Variants in ZHX2 observed in about 807,000 individuals in gnomAD.
ZHX2 encodes the protein zinc fingers and homeoboxes 2, also known as zinc fingers and homeoboxes protein 2.
A neutral mutation model predicts 21.9 loss-of-function variants in ZHX2; 6 were observed. That is an observed-to-expected ratio of 0.27 (90% confidence interval 0.15 to 0.54). The LOEUF (loss-of-function observed/expected upper bound fraction) is 0.54. Among genes scored for constraint, ZHX2 ranks in the 20% least tolerant of loss-of-function variants. The pLI, the probability that ZHX2 is intolerant of heterozygous loss-of-function variation, is 0.95. For synonymous variants in ZHX2, 434 were observed against 437.1 expected (o/e 0.99, Z 0.09); for missense variants, 908 against 1,090.7 (o/e 0.83, Z 2.36).
intron 2 of ZHX2, among the ~76,000 whole-genome samples, chr8:122,913,765 C>T (rs943841751): frequency 3.3e-5 from 5 of 152,222 alleles, no homozygotes; most frequent in South Asian, 2.1e-4. Flanking sequence ...ACATGTTTCA[C>T]GTTACTTATG....
intron 2 of ZHX2, among the ~76,000 whole-genome samples, chr8:122,887,156 T>C (rs1210905466): frequency 6.6e-6 from 1 of 151,010 alleles, no homozygotes; most frequent in African/African-American, 2.4e-5. Flanking sequence ...TGTGGGGATG[T>C]GAGCACGTGT....
intron 2 of ZHX2, among the ~76,000 whole-genome samples, chr8:122,895,963 G>A (rs1412098528): frequency 1.3e-5 from 2 of 152,008 alleles, no homozygotes; most frequent in Non-Finnish European, 2.9e-5. Context: ...TCATCAGCCT[G>A]CAATTCATTA....
chr8:122,818,693 C>T (rs796765278), intron 1 of ZHX2, among the ~76,000 whole-genome samples: 41 of 152,306 alleles, frequency 2.7e-4, no homozygotes, highest in African/African-American at 8.4e-4. Context: ...GCATCCAGGA[C>T]GCGCCCCGTG....
chr8:122,944,455 CCT>C (rs1447639126), intron 2 of ZHX2, among the ~76,000 whole-genome samples: 1 of 152,188 alleles, frequency 6.6e-6, no homozygotes, highest in Non-Finnish European at 1.5e-5. Flanking sequence ...AGTATAGCCT[CCT>C]CTCTGTTTCG....
At chr8:122,958,395 C>T (rs1480788720) in intron 3 of ZHX2, among the ~76,000 whole-genome samples, 1 of 152,168 alleles carries the variant, frequency 6.6e-6, no homozygotes, top group African/African-American at 2.4e-5. Flanking sequence ...AATGAGTCAA[C>T]GTACTTGAGC....
chr8:122,799,414 T>A (rs1264923232), intron 1 of ZHX2, among the ~76,000 whole-genome samples: 1 of 152,170 alleles, frequency 6.6e-6, no homozygotes, highest in East Asian at 1.9e-4. Context: ...TTTTTGTTTG[T>A]TTTTTAGTAT....
intron 1 of ZHX2, among the ~76,000 whole-genome samples, chr8:122,861,400 A>C (rs1444467552): frequency 6.6e-6 from 1 of 152,222 alleles, no homozygotes; most frequent in Non-Finnish European, 1.5e-5. Flanking sequence ...AGAACGAATG[A>C]TGTCTGATAT....
chr8:122,971,625 A>AG, intron 3 of ZHX2, among the ~76,000 whole-genome samples: 1 of 151,286 alleles, frequency 6.6e-6, no homozygotes, highest in Admixed American at 6.6e-5. Context: ...AAAAAAAAAA[A>AG]AAAAAAATTC....
At chr8:122,925,941 G>T (rs559238428) in intron 2 of ZHX2, among the ~76,000 whole-genome samples, 12 of 152,086 alleles carry the variant, frequency 7.9e-5, no homozygotes, top group African/African-American at 2.7e-4. Flanking sequence ...AGAGTGGGGG[G>T]GCACACACAG....
chr8:122,864,642 C>T (rs186319835), intron 2 of ZHX2, among the ~76,000 whole-genome samples: 1 of 152,246 alleles, frequency 6.6e-6, no homozygotes, highest in East Asian at 1.9e-4. Context: ...ACCCACCCCC[C>T]CACTCCCCAG....
intron 2 of ZHX2, among the ~76,000 whole-genome samples, chr8:122,891,307 T>C (rs1488372434): frequency 6.7e-6 from 1 of 149,500 alleles, no homozygotes; most frequent in Non-Finnish European, 1.5e-5. Context: ...TGTGTGTGTG[T>C]GTGTGTGTGT....
chr8:122,887,050 CGTGTGTGTGTGTGT>C (rs10549696), intron 2 of ZHX2, among the ~76,000 whole-genome samples: 1,754 of 136,450 alleles, frequency 0.013, 29 homozygotes, highest in African/African-American at 0.045. Context: ...GCTCTGCCAC[CGTGTGTGTGTGTGT>C]GTGTGTGTGT....
chr8:122,812,922 G>A (rs138042540), intron 1 of ZHX2, among the ~76,000 whole-genome samples: 11 of 152,288 alleles, frequency 7.2e-5, no homozygotes, highest in African/African-American at 2.4e-4. Context: ...TGGGCCAGGC[G>A]CAGTGGCTCC....
intron 1 of ZHX2, among the ~76,000 whole-genome samples, chr8:122,843,587 C>T (rs1350929196): frequency 6.6e-6 from 1 of 152,192 alleles, no homozygotes; most frequent in Non-Finnish European, 1.5e-5. Flanking sequence ...GCATCTATAG[C>T]ATTCTGAGCC....
chr8:122,920,626 A>G (rs1185834933), intron 2 of ZHX2, among the ~76,000 whole-genome samples: 1 of 152,210 alleles, frequency 6.6e-6, no homozygotes, highest in Non-Finnish European at 1.5e-5. Flanking sequence ...TTCAGTTTTC[A>G]CTTAGCATTG....
At chr8:122,859,510 C>T (rs1819111613) in intron 1 of ZHX2, among the ~76,000 whole-genome samples, 1 of 152,068 alleles carries the variant, frequency 6.6e-6, no homozygotes, top group Admixed American at 6.6e-5. Context: ...GAGAGAGGGA[C>T]TAGCGTGGCT....
intron 1 of ZHX2, among the ~76,000 whole-genome samples, chr8:122,829,461 T>G (rs1818326350): frequency 6.6e-6 from 1 of 152,256 alleles, no homozygotes; most frequent in African/African-American, 2.4e-5. Flanking sequence ...AAAGTTTATT[T>G]AATGTGCTTA....
intron 2 of ZHX2, among the ~76,000 whole-genome samples, chr8:122,900,450 A>C (rs12334636): frequency 0.073 from 11,143 of 152,078 alleles, 1,205 homozygotes; most frequent in African/African-American, 0.24. Flanking sequence ...GAAAGATCTG[A>C]CCCCATGACC....
At chr8:122,930,651 TTTTTTTTTTA>T (rs1820964465) in intron 2 of ZHX2, among the ~76,000 whole-genome samples, 1 of 151,816 alleles carries the variant, frequency 6.6e-6, no homozygotes, top group African/African-American at 2.4e-5. Context: ...TTTGTTTTTT[TTTTTTTTTTA>T]TTTTTTTCAG....
Sources: allele counts gnomAD v4.1 joint callset (sites outside exome capture counted in the v4.1 genomes callset), GRCh38; gene constraint gnomAD v4.1.1; transcripts MANE v1.5; gene names NCBI Gene and HGNC (gene_info 2026-07-23, HGNC 2026-07-21).